Variants in GRM1 observed in about 807,000 individuals in gnomAD.
GRM1 encodes glutamate metabotropic receptor 1, also known as metabotropic glutamate receptor 1.
A neutral mutation model predicts 90.9 loss-of-function variants in GRM1; 33 were observed. The ratio of observed to expected loss-of-function variants is 0.36; its 90% confidence interval spans 0.28 to 0.49. The LOEUF (loss-of-function observed/expected upper bound fraction) is 0.49, where lower values mean the gene tolerates loss of function less well. GRM1 is among the 20% of genes least tolerant of loss of function. The pLI is 0.99. For missense variants in GRM1, 1,190 were observed against 1,534.3 expected, an observed-to-expected ratio of 0.78 and a Z score of 3.75; for synonymous variants, 700 against 613.2, an observed-to-expected ratio of 1.14 and a Z score of -2.09.
At chr6:146,194,723 C>A (rs1398910131) in intron 2 of GRM1, among the ~76,000 whole-genome samples, 2 of 152,178 alleles carry the variant, frequency 1.3e-5, no homozygotes, top group Admixed American at 6.5e-5. Context: ...CATACCTACA[C>A]TGAACTCACA....
chr6:146,302,508 A>G (rs1399491034), intron 2 of GRM1, among the ~76,000 whole-genome samples: 2 of 151,636 alleles, frequency 1.3e-5, no homozygotes, highest in African/African-American at 4.9e-5. Flanking sequence ...AATAGCTGGG[A>G]CCACAGGTGT....
chr6:146,061,605 T>C (rs960079163), intron 1 of GRM1, among the ~76,000 whole-genome samples: 1 of 151,980 alleles, frequency 6.6e-6, no homozygotes, highest in African/African-American at 2.4e-5. Flanking sequence ...TACAAAGAAC[T>C]TAAACAAATT....
chr6:146,147,707 G>A (rs1305370219), intron 1 of GRM1, among the ~76,000 whole-genome samples: 1 of 152,132 alleles, frequency 6.6e-6, no homozygotes, highest in African/African-American at 2.4e-5. Flanking sequence ...TCAAGCTGAA[G>A]TGCTTCCTTG....
At chr6:146,214,798 C>G (rs1206601501) in intron 2 of GRM1, among the ~76,000 whole-genome samples, 1 of 151,936 alleles carries the variant, frequency 6.6e-6, no homozygotes, top group Admixed American at 6.6e-5. Context: ...AGGACTTCAC[C>G]AGAGAGGGAA....
intron 6 of GRM1, among the ~76,000 whole-genome samples, chr6:146,394,309 G>A (rs139891386): frequency 5.9e-5 from 9 of 152,208 alleles, no homozygotes; most frequent in African/African-American, 2.2e-4. Context: ...TCTAGGCTCA[G>A]ATAAATTCCT....
chr6:146,379,006 T>C (rs954573638), intron 5 of GRM1, among the ~76,000 whole-genome samples: 1 of 152,200 alleles, frequency 6.6e-6, no homozygotes, highest in African/African-American at 2.4e-5. Flanking sequence ...TGTGAAACTG[T>C]GAGTCAAACC....
intron 1 of GRM1, among the ~76,000 whole-genome samples, chr6:146,100,827 T>G (rs1777025062): frequency 6.6e-6 from 1 of 151,986 alleles, no homozygotes; most frequent in African/African-American, 2.4e-5. Context: ...CAGGAGAGAG[T>G]AGTTGCACAC....
intron 2 of GRM1, among the ~76,000 whole-genome samples, chr6:146,259,235 G>A (rs1200739065): frequency 6.6e-6 from 1 of 152,046 alleles, no homozygotes; most frequent in Admixed American, 6.6e-5. Flanking sequence ...AATCTAGGAT[G>A]GTGGCCTGAT....
At chr6:146,049,974 G>A (rs1038479831) in intron 1 of GRM1, among the ~76,000 whole-genome samples, 1 of 151,916 alleles carries the variant, frequency 6.6e-6, no homozygotes, top group Admixed American at 6.6e-5. Flanking sequence ...TCATTCCAAA[G>A]GCTTAGTGTC....
chr6:146,248,994 G>T (rs1781176431), intron 2 of GRM1, among the ~76,000 whole-genome samples: 1 of 152,138 alleles, frequency 6.6e-6, no homozygotes, highest in South Asian at 2.1e-4. Context: ...ATGATTTAGG[G>T]TATCTGGCAG....
intron 2 of GRM1, among the ~76,000 whole-genome samples, chr6:146,244,119 G>A (rs1383111032): frequency 1.3e-5 from 2 of 152,034 alleles, no homozygotes; most frequent in Non-Finnish European, 2.9e-5. Context: ...ACACACATGA[G>A]TTATGAACAA....
At chr6:146,316,262 C>A (rs1245889288) in intron 3 of GRM1, among the ~76,000 whole-genome samples, 1 of 152,188 alleles carries the variant, frequency 6.6e-6, no homozygotes, top group African/African-American at 2.4e-5. Context: ...TCTGACTTTT[C>A]TTCCTCAACC....
At chr6:146,176,693 G>A (rs1778351231) in intron 2 of GRM1, among the ~76,000 whole-genome samples, 1 of 152,046 alleles carries the variant, frequency 6.6e-6, no homozygotes, top group Non-Finnish European at 1.5e-5. Flanking sequence ...CAACAATGAA[G>A]TTGTACTATT....
intron 2 of GRM1, among the ~76,000 whole-genome samples, chr6:146,277,291 C>T (rs1041805783): frequency 1.3e-5 from 2 of 152,148 alleles, no homozygotes; most frequent in African/African-American, 4.8e-5. Flanking sequence ...GGCCTGTCTG[C>T]CTTTGGAATG....
intron 1 of GRM1, among the ~76,000 whole-genome samples, chr6:146,034,801 A>G (rs1189711395): frequency 1.3e-5 from 2 of 152,020 alleles, no homozygotes; most frequent in Non-Finnish European, 2.9e-5. Context: ...TTGCAAATGT[A>G]TAAATGGCTA....
intron 2 of GRM1, among the ~76,000 whole-genome samples, chr6:146,295,930 A>C (rs1001270226): frequency 6.6e-6 from 1 of 151,866 alleles, no homozygotes; most frequent in Non-Finnish European, 1.5e-5. Flanking sequence ...CTTTGTGTTC[A>C]TGTGTTATAA....
chr6:146,110,783 A>G (rs1030711283), intron 1 of GRM1, among the ~76,000 whole-genome samples: 6 of 152,190 alleles, frequency 3.9e-5, no homozygotes, highest in Non-Finnish European at 5.9e-5. Flanking sequence ...CTAGATGTTT[A>G]GAGATAAGGA....
intron 1 of GRM1, among the ~76,000 whole-genome samples, chr6:146,143,719 G>GA (rs1583065287): frequency 6.6e-6 from 1 of 152,038 alleles, no homozygotes; most frequent in African/African-American, 2.4e-5. Flanking sequence ...AAAAGCTGTT[G>GA]AAAAAAATCT....
chr6:146,355,329 A>C (rs362884), intron 4 of GRM1, among the ~76,000 whole-genome samples: 3,812 of 152,288 alleles, frequency 0.025, 140 homozygotes, highest in African/African-American at 0.084. Flanking sequence ...CTTGGATATC[A>C]CTCAGAAAGA....
Sources: gnomAD v4.1 joint callset for allele counts (sites outside exome capture counted in the v4.1 genomes callset) on GRCh38, gnomAD v4.1.1 for gene constraint, MANE v1.5 for transcripts, NCBI Gene and HGNC (gene_info 2026-07-23, HGNC 2026-07-21) for gene names.